The following SAMD3 variants were observed in gnomAD, a reference collection of about 807,000 sequenced individuals.
The protein encoded by SAMD3 is sterile alpha motif domain-containing protein 3.
In SAMD3, 63 loss-of-function variants were observed where a neutral mutation model predicts 58.5. The observed-to-expected ratio is 1.08, with a 90% CI of 0.88 to 1.33. The LOEUF is 1.33. SAMD3 is among the 40% of genes most tolerant of loss of function. The pLI, the probability that SAMD3 is intolerant of heterozygous loss-of-function variation, is 0.00. For missense variants in SAMD3, 604 were observed against 608.4 expected (o/e 0.99, Z 0.08); for synonymous variants, 220 against 210.3 (o/e 1.05, Z -0.40).
chr6:130,197,600 T>G (rs948149533), intron 5 of SAMD3, among the ~76,000 whole-genome samples: 7 of 152,076 alleles, frequency 4.6e-5, no homozygotes, highest in African/African-American at 1.7e-4. Context: ...AAATGACAAA[T>G]ATTCCTTCTA....
chr6:130,348,943 T>C (rs1475702162), intron 1 of SAMD3, among the ~76,000 whole-genome samples: 1 of 152,022 alleles, frequency 6.6e-6, no homozygotes, highest in East Asian at 1.9e-4. Flanking sequence ...ACCACTCAAC[T>C]ACATGGAAAC....
At chr6:130,363,747 C>G (rs1778052583) in intron 1 of SAMD3, among the ~76,000 whole-genome samples, 1 of 152,176 alleles carries the variant, frequency 6.6e-6, no homozygotes, top group African/African-American at 2.4e-5. Flanking sequence ...CTACTATGCA[C>G]TCTTATAAGA....
chr6:130,204,150 C>T (rs1176404498), intron 5 of SAMD3, among the ~76,000 whole-genome samples: 2 of 152,108 alleles, frequency 1.3e-5, no homozygotes, highest in Admixed American at 6.5e-5. Flanking sequence ...CATCTGGACA[C>T]ATATATTTAA....
chr6:130,328,901 A>G (rs573680107), intron 1 of SAMD3, among the ~76,000 whole-genome samples: 33 of 152,334 alleles, frequency 2.2e-4, no homozygotes, highest in African/African-American at 7.5e-4. Context: ...TGTAAGGTTT[A>G]TGAGTATAAA....
At chr6:130,189,526 C>T (rs1043683021) in intron 5 of SAMD3, among the ~76,000 whole-genome samples, 1 of 152,186 alleles carries the variant, frequency 6.6e-6, no homozygotes, top group African/African-American at 2.4e-5. Context: ...TTACTGTACC[C>T]GTTTCTGTTA....
At position 130,183,528 on chromosome 6, in the gene SAMD3, G is replaced by GCAGC. The variant is rs1297413461; in HGVS notation, c.654+571_654+574dup. ...ACTTGATGACAGCTCCGAAGCAGGT[G>GCAGC]CAGCCATGTCTTTCTCTTTCTATGT... On this transcript the variant is annotated intron_variant, in intron 7 of 11. Coordinates refer to ENST00000439090, the MANE Select transcript of SAMD3 (RefSeq NM_001017373.4). The GCAGC allele has an allele frequency of 1.0e-5, 4 of 397,730 alleles. No homozygotes were observed. In the East Asian group the frequency reaches 2.9e-4, roughly 29 times the overall value. The allele number at this position is 397,730 out of a possible 1,614,324, so 24.6% of individuals were successfully genotyped here.
intron 2 of SAMD3, among the ~76,000 whole-genome samples, chr6:130,247,325 C>T (rs562956038): frequency 2.3e-3 from 342 of 151,940 alleles, no homozygotes; most frequent in Non-Finnish European, 4.0e-3. Flanking sequence ...CAAAACTTAG[C>T]GAAGTATGGT....
At chr6:130,237,153 T>C (rs1773185323) in intron 2 of SAMD3, among the ~76,000 whole-genome samples, 1 of 152,212 alleles carries the variant, frequency 6.6e-6, no homozygotes. Context: ...TCTTCAGCAG[T>C]TCAGGAAGAA....
At chr6:130,238,909 C>A (rs1773257817) in intron 2 of SAMD3, among the ~76,000 whole-genome samples, 1 of 152,134 alleles carries the variant, frequency 6.6e-6, no homozygotes, top group South Asian at 2.1e-4. Context: ...CAGGTGCCCA[C>A]CACCACACCT....
chr6:130,216,218 T>G (rs922099235), intron 2 of SAMD3, among the ~76,000 whole-genome samples: 1 of 142,888 alleles, frequency 7.0e-6, no homozygotes, highest in African/African-American at 2.6e-5. Flanking sequence ...TGTAATTCAA[T>G]CCAAAGGACC....
At chr6:130,322,592 C>T (rs556612226) in intron 1 of SAMD3, among the ~76,000 whole-genome samples, 2 of 152,286 alleles carry the variant, frequency 1.3e-5, no homozygotes, top group East Asian at 1.9e-4. Context: ...GCCGAGATTG[C>T]ACCACTGCAC....
rs1181417451 is a variant in SAMD3, at chr6:130,184,619, T to G, written c.388A>C (p.Asn130His). Residue 130 changes from asparagine to histidine, a missense_variant, in exon 6 of 12, where the codon AAT becomes CAT. By Grantham distance (68) the Asn-to-His change is moderately conservative (BLOSUM62 1). Transcript: ENST00000439090. ...IDQRVLKQRR[N>H]VKQILARSKA... is the part of the protein sequence containing the mutation. ...CTTCTTGCTAGAATTTGTTTCACATTTCTTCTGTGAAATAAAAACACACAA... is the reference window on the plus strand; with the variant it reads ...CTTCTTGCTAGAATTTGTTTCACATGTCTTCTGTGAAATAAAAACACACAA... 6.2e-7 allele frequency: 1 copy of G among 1,603,022 alleles called. No individual in the cohort carries two copies. The highest frequency in any genetic ancestry group is 1.1e-5 in the South Asian group (1 of 89,732).
chr6:130,352,435 C>A (rs1777703771), intron 1 of SAMD3, among the ~76,000 whole-genome samples: 1 of 152,074 alleles, frequency 6.6e-6, no homozygotes, highest in Admixed American at 6.6e-5. Context: ...ACTTTTCTTA[C>A]TATCAATAAA....
At chr6:130,146,553 A>G (rs1278573265) in intron 9 of SAMD3, among the ~76,000 whole-genome samples, 1 of 152,256 alleles carries the variant, frequency 6.6e-6, no homozygotes, top group Non-Finnish European at 1.5e-5. Flanking sequence ...GTCTTGTTCA[A>G]CAAGCAGCAA....
intron 1 of SAMD3, among the ~76,000 whole-genome samples, chr6:130,315,918 G>A (rs1054110735): frequency 5.9e-5 from 9 of 152,164 alleles, no homozygotes; most frequent in Admixed American, 2.6e-4. Flanking sequence ...ATGTGAAAGT[G>A]TGTATATATG....
chr6:130,288,689 C>T (rs542077709), intron 2 of SAMD3, among the ~76,000 whole-genome samples: 1 of 152,270 alleles, frequency 6.6e-6, no homozygotes, highest in African/African-American at 2.4e-5. Context: ...GCTTCTATTT[C>T]CTCTGTGAAG....
chr6:130,186,657 A>G (rs952834465), intron 5 of SAMD3, among the ~76,000 whole-genome samples: 4 of 150,932 alleles, frequency 2.7e-5, no homozygotes. Context: ...TCCATATTCT[A>G]TTACTTTGTT....
intron 1 of SAMD3, among the ~76,000 whole-genome samples, chr6:130,335,862 T>C (rs1777083802): frequency 6.6e-6 from 1 of 151,906 alleles, no homozygotes; most frequent in South Asian, 2.1e-4. Context: ...ATGTCCTTTG[T>C]AGGGACATGA....
intron 8 of SAMD3, among the ~76,000 whole-genome samples, chr6:130,172,547 G>T (rs1791346686): frequency 6.6e-6 from 1 of 152,178 alleles, no homozygotes; most frequent in Non-Finnish European, 1.5e-5. Flanking sequence ...ACTCTTTTCT[G>T]GCTTGTAGGG....
Sources: allele counts gnomAD v4.1 joint callset (sites outside exome capture counted in the v4.1 genomes callset), GRCh38; gene constraint gnomAD v4.1.1; transcripts MANE v1.5; gene names NCBI Gene and HGNC (gene_info 2026-07-23, HGNC 2026-07-21).